ICE1: variants seen among roughly 807,000 people sequenced by gnomAD.
The protein encoded by ICE1 is little elongation complex subunit 1.
Under a neutral mutation model 192.7 loss-of-function variants are expected in ICE1, and 64 were observed. The ratio of observed to expected loss-of-function variants is 0.33; its 90% CI spans 0.27 to 0.41. ICE1 has a LOEUF of 0.41. Among genes scored for constraint, ICE1 ranks in the 10% least tolerant of loss-of-function variants. The pLI is 1.00. For missense variants in ICE1, 2,708 were observed against 2,696.0 expected (o/e 1.00, Z -0.10); for synonymous variants, 1,010 against 984.5 (o/e 1.03, Z -0.49).
intron 3 of ICE1, among the ~76,000 whole-genome samples, chr5:5,438,552 A>C (rs2086246640): frequency 6.6e-6 from 1 of 152,212 alleles, no homozygotes; most frequent in Admixed American, 6.5e-5. Flanking sequence ...TGTTAGTGAA[A>C]GGTGTATGGA....
chr5:5,424,838 G>A (rs190048142), intron 1 of ICE1, among the ~76,000 whole-genome samples: 1 of 152,328 alleles, frequency 6.6e-6, no homozygotes, highest in East Asian at 1.9e-4. Flanking sequence ...TGCTTGGGAA[G>A]AGCAAGAAGG....
intron 1 of ICE1, 58 bp downstream of exon 1, chr5:5,423,057 G>C: frequency 8.2e-7 from 1 of 1,219,498 alleles, no homozygotes; most frequent in Admixed American, 4.0e-5. Flanking sequence ...CCGGCCGGGA[G>C]CGCAGGGATG....
chr5:5,469,790 A>G (rs1229589627), intron 15 of ICE1, among the ~76,000 whole-genome samples: 2 of 152,192 alleles, frequency 1.3e-5, no homozygotes, highest in Admixed American at 6.5e-5. Flanking sequence ...GTAAATATTA[A>G]AAAGCAAGTT....
intron 16 of ICE1, 134 bp from the exon 17 acceptor site, chr5:5,475,839 G>C: frequency 1.5e-6 from 1 of 651,780 alleles, no homozygotes; most frequent in Non-Finnish European, 2.7e-6. Context: ...TCCAGTATCT[G>C]TTCTCACTTG....
chr5:5,462,733 A>G lies in ICE1; in HGVS notation c.3399A>G (p.Leu1133=), dbSNP rs772041905. 1.9e-6 allele frequency: 3 copies of G among 1,613,788 alleles called. No individual in the cohort carries two copies. Residue 1133 remains leucine, a synonymous_variant, in exon 13 of 19, where the codon TTA becomes TTG. Transcript: ENST00000296564. ...CTCCTGATGACTCACAGAAAAATTT[A>G]GGAGACACAGATGCTGCTGTAGCCG... ...QDAPDDSQKN[L]GDTDAAVAEV...
rs533864181 is a variant in ICE1 at position 5,474,162 on chromosome 5, A to G, written c.6413+414A>G. Among the ~76,000 whole-genome samples the G allele has an allele frequency of 5.3e-5, 8 of 150,904 alleles. No homozygotes were observed. In the South Asian group the frequency reaches 1.5e-3, roughly 28 times the overall value. On this transcript the variant is annotated intron_variant, in intron 16 of 18. Coordinates refer to ENST00000296564, the MANE Select transcript of ICE1 (RefSeq NM_015325.3). ...GAGGCAGAGCTTGCAGTGAGCGGAG[A>G]TTGTGCCACTGCACTCCAGCCTGGG...
intron 4 of ICE1, 36 bp from the exon 5 acceptor site, chr5:5,441,076 T>G: frequency 2.4e-6 from 3 of 1,252,338 alleles, no homozygotes; most frequent in African/African-American, 1.5e-5. Flanking sequence ...TCGTTATAGA[T>G]CCTTTTCTGT....
chr5:5,463,236 A>G lies in ICE1; in HGVS notation c.3902A>G (p.Glu1301Gly), dbSNP rs1251158574. Reference sequence around the variant, plus strand: ...AACATGACCACTGAGAATTTAAAAGAGAAAAGTCCATTTCGGGAAACGACT... The same window carrying G: ...AACATGACCACTGAGAATTTAAAAGGGAAAAGTCCATTTCGGGAAACGACT... ...NNNMTTENLK[E>G]KSPFRETTGS... Residue 1301 changes from glutamate to glycine, a missense_variant, in exon 13 of 19, where the codon GAG (glutamate) becomes GGG (glycine). Glu to Gly is a moderately conservative substitution (Grantham distance 98). This residue lies in a region of ICE1 where 2,366 missense variants were observed against 2,276.6 expected (regional missense o/e 1.04). Coordinates refer to ENST00000296564, the MANE Select transcript of ICE1 (RefSeq NM_015325.3). 6.2e-7 allele frequency: 1 copy of G among 1,612,210 alleles called. No individual in the cohort carries two copies. The highest frequency in any genetic ancestry group is 2.2e-5 in the East Asian group (1 of 44,876).
In ICE1 at chr5:5,461,020, G is replaced by A; in HGVS notation, c.1686G>A (p.Glu562=). 6.2e-7 allele frequency: 1 copy of A among 1,614,030 alleles called. No homozygotes were observed. Among genetic ancestry groups the A allele is most frequent in the East Asian group, 2.2e-5 (1 of 44,890 alleles). ...AAATGATGGGATCGCCCAAATCAGA[G>A]TTTACTAAGTGGACACGAATTAATG... ...LSKMMGSPKS[E]FTKWTRINEI... The change falls in exon 13 of 19, where the codon GAG becomes GAA. Residue 562 remains glutamate (E), a synonymous_variant. Transcript: ENST00000296564.
At chr5:5,447,808 A>AT (rs1215123825) in intron 9 of ICE1, 33 bp from the exon 10 acceptor site, 1 of 1,571,092 alleles carries the variant, frequency 6.4e-7, no homozygotes, top group Non-Finnish European at 8.7e-7. Flanking sequence ...GATATGTAGT[A>AT]TTTTATTAAC....
At chr5:5,471,950 A>C (rs1313295687) in intron 15 of ICE1, among the ~76,000 whole-genome samples, 1 of 152,096 alleles carries the variant, frequency 6.6e-6, no homozygotes, top group Non-Finnish European at 1.5e-5. Flanking sequence ...TTACTGCTGA[A>C]TTTTAAAGTT....
At chr5:5,456,504 G>A (rs79329968) in intron 11 of ICE1, among the ~76,000 whole-genome samples, 5,084 of 151,982 alleles carry the variant, frequency 0.033, 133 homozygotes, top group Non-Finnish European at 0.049. Flanking sequence ...TATTTTATTC[G>A]TAAATAATAA....
At position 5,464,334 on chromosome 5, in the gene ICE1, G is replaced by C. The variant is rs778483011; in HGVS notation, c.5000G>C (p.Gly1667Ala). ...SSPSSPASPV[G>A]QVSPFRETPV... is the part of the protein sequence containing the mutation. ...CCTTCCTCACCAGCCTCTCCTGTTG[G>C]CCAGGTTTCTCCCTTCCGTGAAACC... Residue 1667 changes from glycine to alanine, a missense_variant, in exon 13 of 19, where the codon GGC (glycine) becomes GCC (alanine). This residue lies in a region of ICE1 where 2,366 missense variants were observed against 2,276.6 expected (regional missense o/e 1.04). Transcript: ENST00000296564. This position sits in a 1 kb window ranked among gnomAD's most constrained non-coding sequence, Gnocchi z 4.0. 1.2e-6 allele frequency: 2 copies of C among 1,613,526 alleles called. No individual in the cohort carries two copies. The highest frequency in any genetic ancestry group is 4.5e-5 in the East Asian group (2 of 44,836).
chr5:5,464,975 G>C lies in ICE1; in HGVS notation c.5641G>C (p.Ala1881Pro). ...LPGNLPPAEV[A>P]TTNEERSCSS... The stretch of plus-strand genomic sequence containing the variant: ...AGGGAACCTCCCTCCAGCTGAAGTT[G>C]CAACAACAAATGAGGAAAGAAGTTG... The change falls in exon 13 of 19, where the codon GCA becomes CCA. Residue 1881 changes from alanine (A) to proline (P), a missense_variant. Coordinates refer to ENST00000296564, the MANE Select transcript of ICE1 (RefSeq NM_015325.3). This position sits in a 1 kb window ranked among gnomAD's most constrained non-coding sequence, Gnocchi z 4.0. The C allele has an allele frequency of 6.2e-7, 1 of 1,613,784 alleles. No homozygotes were observed.
intron 1 of ICE1, among the ~76,000 whole-genome samples, chr5:5,434,444 A>C (rs1269630717): frequency 6.6e-6 from 1 of 152,230 alleles, no homozygotes; most frequent in Non-Finnish European, 1.5e-5. Context: ...TGCTGGATTT[A>C]CTTTGCATAT....
intron 17 of ICE1, among the ~76,000 whole-genome samples, chr5:5,483,780 C>G (rs1052885768): frequency 1.3e-5 from 2 of 152,170 alleles, no homozygotes; most frequent in Admixed American, 1.3e-4. Context: ...TAGAAAAACA[C>G]TGTGTCACAT....
At position 5,463,865 on chromosome 5, in the gene ICE1, C is replaced by G; in HGVS notation, c.4531C>G (p.Arg1511Gly). The G allele has an allele frequency of 6.2e-7, 1 of 1,613,758 alleles. No individual in the cohort carries two copies. The highest frequency in any genetic ancestry group is 8.5e-7 in the Non-Finnish European group (1 of 1,179,802). Residue 1511 changes from arginine to glycine, a missense_variant, in exon 13 of 19, where the codon CGA (arginine) becomes GGA (glycine). Physicochemically the swap from Arg to Gly is moderately radical, Grantham distance 125 (BLOSUM62 -2). Around this residue, in one of 2 missense-constraint regions of ICE1, gnomAD observed 2,366 missense variants for 2,276.6 expected, o/e 1.04. Coordinates refer to ENST00000296564, the MANE Select transcript of ICE1 (RefSeq NM_015325.3). ...CACCAACTTTGATAAGAGTCGTTTGCGAAATAGACCCGTTAAGCCTAGTAT... is the reference window on the plus strand; with the variant it reads ...CACCAACTTTGATAAGAGTCGTTTGGGAAATAGACCCGTTAAGCCTAGTAT... ...QSTNFDKSRL[R>G]NRPVKPSIWI...
Position 5,422,854 on chromosome 5 carries a change from G to T in ICE1, c.-62G>T. ...GGCCCCGGCGGCATCAGCAGAGACA[G>T]GACGGGGCCGACGCCGCGGGCCCCT... On this transcript the variant is annotated 5_prime_UTR_variant, in exon 1 of 19. In the 5' UTR this introduces an upstream ATG that the reference lacks. Transcript: ENST00000296564. 8.3e-7 allele frequency: 1 copy of T among 1,204,594 alleles called. No homozygotes were observed. The highest frequency in any genetic ancestry group is 1.0e-6 in the Non-Finnish European group (1 of 953,642). 74.6% of individuals were successfully genotyped at this position (1,204,594 alleles called of 1,614,324 possible). A position where few individuals can be genotyped will look rare whatever the true frequency, so the allele number is the denominator to read the frequency against.
At chr5:5,444,357 C>A in intron 7 of ICE1, 31 bp downstream of exon 7, 3 of 1,520,444 alleles carry the variant, frequency 2.0e-6, no homozygotes, top group East Asian at 2.4e-5. Flanking sequence ...CTGAAGTTTT[C>A]GGTCAGTACA....
Sources: gnomAD v4.1 joint callset for allele counts (sites outside exome capture counted in the v4.1 genomes callset) on GRCh38, gnomAD v4.1.1 for gene constraint, gnomAD v4.1.1 regional missense constraint, Gnocchi (gnomAD v3.1) non-coding constraint, MANE v1.5 for transcripts, NCBI Gene and HGNC (gene_info 2026-07-23, HGNC 2026-07-21) for gene names.